The following EXOG variants were observed in gnomAD, a reference collection of about 807,000 sequenced individuals.
EXOG encodes exo/endonuclease G, also known as nuclease EXOG, mitochondrial.
Under a neutral mutation model 25.8 loss-of-function variants are expected in EXOG, and 27 were observed. That is an observed-to-expected ratio of 1.05 (90% CI 0.77 to 1.45). The LOEUF is 1.45. EXOG is among the 40% of genes most tolerant of loss of function. EXOG has a pLI of 0.00. For synonymous variants in EXOG, 133 were observed against 167.0 expected (o/e 0.80, Z 1.57); for missense variants, 458 against 450.5 (o/e 1.02, Z -0.15).
At chr3:38,504,272 G>A (rs906912317) in intron 4 of EXOG, among the ~76,000 whole-genome samples, 2 of 151,814 alleles carry the variant, frequency 1.3e-5, no homozygotes, top group Admixed American at 1.3e-4. Flanking sequence ...AGGCTGAGGT[G>A]GGAGAATCAC....
At chr3:38,521,751 G>T (rs1172168719) in intron 5 of EXOG, among the ~76,000 whole-genome samples, 2 of 152,128 alleles carry the variant, frequency 1.3e-5, no homozygotes, top group African/African-American at 4.8e-5. Flanking sequence ...TTTGGGCTTT[G>T]TATTGGTACC....
intron 5 of EXOG, among the ~76,000 whole-genome samples, chr3:38,517,446 A>G (rs997037435): frequency 3.3e-5 from 5 of 152,270 alleles, no homozygotes; most frequent in Non-Finnish European, 7.3e-5. Context: ...CATCTTGGCC[A>G]TCGGCCATTT....
rs1277684422 is a variant in EXOG, at chr3:38,526,251, G to A, written c.*1889G>A. The A allele has an allele frequency of 5.1e-6, 5 of 984,670 alleles. No individual in the cohort carries two copies. The East Asian group carries it at 5.7e-4, about 112-fold the overall frequency. 61.0% of individuals were successfully genotyped at this position (984,670 alleles called of 1,614,324 possible). ...ATTACAAGAAAGATTTTTGTGGTGTGTTTGTTCTAAGAGAAATGCCAAGGC... is the reference window on the plus strand; with the variant it reads ...ATTACAAGAAAGATTTTTGTGGTGTATTTGTTCTAAGAGAAATGCCAAGGC... On this transcript the variant is annotated 3_prime_UTR_variant, in exon 6 of 6. Coordinates refer to ENST00000287675, the MANE Select transcript of EXOG (RefSeq NM_005107.4).
intron 5 of EXOG, among the ~76,000 whole-genome samples, chr3:38,519,667 A>G (rs941863059): frequency 1.3e-5 from 2 of 152,082 alleles, no homozygotes; most frequent in African/African-American, 4.8e-5. Flanking sequence ...CTCACCCTAA[A>G]TTTTCAAGTA....
Position 38,501,363 on chromosome 3 carries a change from G to C in EXOG, c.322G>C (p.Asp108His), listed in dbSNP as rs2060039000. Residue 108 changes from aspartate to histidine, a missense_variant, in exon 3 of 6, where the codon GAC becomes CAC. Transcript: ENST00000287675. ...TGTGTGTTTTTCTTCAGGTGATGCA[G>C]ACAGAAAGCATTGTAAATTTAAGCC... ...ISKSKIMGDA[D>H]RKHCKFKPDP... is the part of the protein sequence containing the mutation. 2 of 1,613,212 alleles carry C rather than the reference G, an allele frequency of 1.2e-6. No homozygotes were observed. The highest frequency in any genetic ancestry group is 2.7e-5 in the African/African-American group (2 of 74,890).
intron 1 of EXOG, chr3:38,497,426 G>A: frequency 1.5e-6 from 2 of 1,343,048 alleles, no homozygotes; most frequent in African/African-American, 1.5e-5. Flanking sequence ...AGGCAAATCA[G>A]TACTTTGCCT....
chr3:38,510,064 A>G (rs555648388), intron 5 of EXOG, among the ~76,000 whole-genome samples: 7 of 152,322 alleles, frequency 4.6e-5, no homozygotes, highest in African/African-American at 1.7e-4. Flanking sequence ...GAAACATCCC[A>G]TTACCCAAGT....
chr3:38,523,324 C>T (rs1295592753), intron 5 of EXOG: 11 of 1,270,174 alleles, frequency 8.7e-6, no homozygotes, highest in Non-Finnish European at 1.1e-5. Flanking sequence ...GTCCTACAAA[C>T]AGAACAGAGA....
chr3:38,522,775 A>G (rs1008690895), intron 5 of EXOG, among the ~76,000 whole-genome samples: 8 of 152,224 alleles, frequency 5.3e-5, no homozygotes, highest in African/African-American at 1.9e-4. Flanking sequence ...AAGTGCTGGG[A>G]TTACAGGCAT....
Position 38,525,869 on chromosome 3 carries a change from G to C in EXOG, c.*1507G>C. 1 of 557,198 alleles carries C rather than the reference G, an allele frequency of 1.8e-6. No individual in the cohort carries two copies. Among genetic ancestry groups the C allele is most frequent in the Non-Finnish European group, 2.3e-6 (1 of 438,888 alleles). 34.5% of individuals were successfully genotyped at this position (557,198 alleles called of 1,614,324 possible). A position where few individuals can be genotyped will look rare whatever the true frequency, so the allele number is the denominator to read the frequency against. ...TGAAATGGGAGGATTGCTTGAGCCT[G>C]GCAGGTCAAGGCTGCGATGGGACAT... On this transcript the variant is annotated 3_prime_UTR_variant, in exon 6 of 6. Transcript: ENST00000287675.
intron 5 of EXOG, among the ~76,000 whole-genome samples, chr3:38,521,667 C>A (rs1241588637): frequency 6.6e-6 from 1 of 152,190 alleles, no homozygotes; most frequent in Non-Finnish European, 1.5e-5. Flanking sequence ...TCCCTCTTTG[C>A]AAACTATGGC....
intron 4 of EXOG, among the ~76,000 whole-genome samples, chr3:38,504,505 G>A (rs1343294046): frequency 9.9e-5 from 15 of 151,910 alleles, no homozygotes; most frequent in Non-Finnish European, 1.6e-4. Flanking sequence ...GCACAATCTC[G>A]GCTCACTACA....
chr3:38,520,774 A>C (rs2060691935), intron 5 of EXOG, among the ~76,000 whole-genome samples: 2 of 152,246 alleles, frequency 1.3e-5, no homozygotes, highest in Non-Finnish European at 2.9e-5. Context: ...GCATTTATAA[A>C]ATACAAAATA....
At chr3:38,498,334 C>T (rs796542814) in intron 2 of EXOG, among the ~76,000 whole-genome samples, 6 of 151,836 alleles carry the variant, frequency 4.0e-5, no homozygotes, top group African/African-American at 9.7e-5. Context: ...GAGGCTGAGG[C>T]GTTTGAGCTC....
chr3:38,521,038 T>G (rs1490416579), intron 5 of EXOG, among the ~76,000 whole-genome samples: 3 of 152,238 alleles, frequency 2.0e-5, no homozygotes, highest in African/African-American at 7.2e-5. Flanking sequence ...TGATGTTGTT[T>G]TAAAAAATTG....
rs369095202 is a variant in EXOG at position 38,496,340 on chromosome 3, G to A, written c.-28G>A. On this transcript the variant is annotated 5_prime_UTR_variant, in exon 1 of 6. In the 5' UTR this introduces an upstream ATG that the reference lacks. Coordinates refer to ENST00000287675, the MANE Select transcript of EXOG (RefSeq NM_005107.4). ...GGGCCGGCATGCGCGCGCATGCGCC[G>A]TGGTAAAAGGCCGGTACCTCGGGCA... is the stretch of plus-strand genomic sequence containing the variant. 2.5e-6 allele frequency: 4 copies of A among 1,599,138 alleles called. No homozygotes were observed. The highest frequency in any genetic ancestry group is 2.3e-5 in the East Asian group (1 of 44,420).
chr3:38,511,757 C>T (rs1297166369), intron 5 of EXOG, among the ~76,000 whole-genome samples: 2 of 152,174 alleles, frequency 1.3e-5, no homozygotes, highest in Admixed American at 6.5e-5. Flanking sequence ...TACTTACTTG[C>T]ATGTGGTCCT....
intron 5 of EXOG, among the ~76,000 whole-genome samples, chr3:38,510,812 A>G (rs185206204): frequency 0.014 from 2,172 of 152,178 alleles, 23 homozygotes; most frequent in Non-Finnish European, 0.023. Context: ...AGCTCTCCTC[A>G]CCCTAGTTAG....
At chr3:38,497,523 C>T in intron 1 of EXOG, 106 bp from the exon 2 acceptor site, 3 of 1,413,324 alleles carry the variant, frequency 2.1e-6, no homozygotes, top group East Asian at 2.6e-5. Flanking sequence ...TTGTAAATCA[C>T]ACCGCTCTCC....
Sources: gnomAD v4.1 joint callset for allele counts (sites outside exome capture counted in the v4.1 genomes callset) on GRCh38, gnomAD v4.1.1 for gene constraint, MANE v1.5 for transcripts, NCBI Gene and HGNC (gene_info 2026-07-23, HGNC 2026-07-21) for gene names.